DOCK10: variants seen among roughly 807,000 people sequenced by gnomAD.
The protein encoded by DOCK10 is dedicator of cytokinesis 10.
A neutral mutation model predicts 280.1 loss-of-function variants in DOCK10; 145 were observed. The observed-to-expected ratio is 0.52, with a 90% CI of 0.45 to 0.59. The LOEUF is 0.59. Ranked by LOEUF, DOCK10 falls within the 20% of genes least tolerant of loss-of-function variation. The pLI, the probability that DOCK10 is intolerant of heterozygous loss-of-function variation, is 0.00. For missense variants in DOCK10, 2,368 were observed against 2,651.7 expected, an observed-to-expected ratio of 0.89 and a Z score of 2.35; for synonymous variants, 915 against 942.2, an observed-to-expected ratio of 0.97 and a Z score of 0.53.
rs547142824 is a variant in DOCK10 at position 225,008,847 on chromosome 2, C to T, written c.123+33405G>A. Among the ~76,000 whole-genome samples, 7 of 152,222 alleles carry T rather than the reference C, an allele frequency of 4.6e-5. No individual in the cohort carries two copies. In the East Asian group the frequency reaches 7.7e-4, roughly 17 times the overall value. On this transcript the variant is annotated intron_variant, in intron 1 of 55. Transcript: ENST00000258390. ...TAATATCCCACAGGTTACTATGTGT[C>T]GACACAAAGATAGACTAGGATTGAC... is the stretch of plus-strand genomic sequence containing the variant.
At chr2:224,918,962 GTGTA>G (rs1371751866) in intron 2 of DOCK10, among the ~76,000 whole-genome samples, 1 of 148,880 alleles carries the variant, frequency 6.7e-6, no homozygotes, top group South Asian at 2.2e-4. Context: ...TGGTGTGTGT[GTGTA>G]TGTGTGGTGT....
At position 224,803,740 on chromosome 2, in the gene DOCK10, C is replaced by T. The variant is rs79050285; in HGVS notation, c.4268+372G>A. Among the ~76,000 whole-genome samples the T allele has an allele frequency of 2.8e-3, 424 of 152,218 alleles. 4 individuals carry two copies. The highest frequency in any genetic ancestry group is 4.8e-3 in the Non-Finnish European group (329 of 68,000). On this transcript the variant is annotated intron_variant, in intron 39 of 55. Coordinates refer to ENST00000258390, the MANE Select transcript of DOCK10 (RefSeq NM_014689.3). Reference sequence around the variant, plus strand: ...CCTAGGGAGACATGATTCCACATTTCCGTTTGTCACTGGAAGATTAGCTAG... The same window carrying T: ...CCTAGGGAGACATGATTCCACATTTTCGTTTGTCACTGGAAGATTAGCTAG...
At chr2:225,022,861 T>C (rs1299188842) in intron 1 of DOCK10, among the ~76,000 whole-genome samples, 1 of 152,244 alleles carries the variant, frequency 6.6e-6, no homozygotes. Context: ...TTTGTGTTTA[T>C]TGTTGTGAAT....
chr2:224,856,945 C>G lies in DOCK10; in HGVS notation c.1723G>C (p.Asp575His), dbSNP rs375756972. ...CTAAACAATGGTGAAAATCTTGAGT[C>G]TCTGTCCACATTTCCCTGGTTGTCC... ...FKDNQGNVDRDSRFSPLFRQE... is the reference protein window; with the variant it reads ...FKDNQGNVDRHSRFSPLFRQE... The change falls in exon 15 of 56, where the codon GAC becomes CAC. Residue 575 changes from aspartate (D) to histidine (H), a missense_variant. Asp to His is a moderately conservative substitution (Grantham distance 81). Around this residue, in one of 2 missense-constraint regions of DOCK10, gnomAD observed 1,209 missense variants for 1,250.9 expected, o/e 0.97. Coordinates refer to ENST00000258390, the MANE Select transcript of DOCK10 (RefSeq NM_014689.3). The G allele has an allele frequency of 4.3e-6, 7 of 1,612,072 alleles. No individual in the cohort carries two copies. The African/African-American group carries it at 9.3e-5, about 22-fold the overall frequency.
At chr2:224,830,476 T>G in intron 27 of DOCK10, 65 bp downstream of exon 27, 1 of 856,236 alleles carries the variant, frequency 1.2e-6, no homozygotes. Context: ...GACAGCATAA[T>G]CATTAGTGTA....
At chr2:224,830,919 C>CA (rs1695182427) in intron 26 of DOCK10, among the ~76,000 whole-genome samples, 4 of 93,786 alleles carry the variant, frequency 4.3e-5, no homozygotes, top group Admixed American at 8.9e-5. Flanking sequence ...ACTAAACAAA[C>CA]TTTTATTTAT....
chr2:224,956,639 A>G (rs1704058725), intron 1 of DOCK10, among the ~76,000 whole-genome samples: 1 of 144,542 alleles, frequency 6.9e-6, no homozygotes, highest in South Asian at 2.4e-4. Context: ...AAAAAAAAAA[A>G]AAAAAAAAAA....
At chr2:224,931,449 G>T in intron 2 of DOCK10, 100 bp downstream of exon 2, 2 of 1,324,366 alleles carry the variant, frequency 1.5e-6, no homozygotes, top group Non-Finnish European at 1.0e-6. Context: ...ATGTAGGGTG[G>T]CCACAGGGAG....
chr2:224,779,919 G>A (rs1177073509), intron 50 of DOCK10, among the ~76,000 whole-genome samples: 1 of 152,068 alleles, frequency 6.6e-6, no homozygotes, highest in East Asian at 1.9e-4. Flanking sequence ...TTCTAAAGGT[G>A]GGAAATGTGT....
At chr2:224,997,061 C>T (rs1355704624) in intron 1 of DOCK10, among the ~76,000 whole-genome samples, 5 of 152,214 alleles carry the variant, frequency 3.3e-5, no homozygotes, top group African/African-American at 9.7e-5. Flanking sequence ...GTTTGCCCTA[C>T]ATTTGGCATC....
chr2:224,827,316 G>A (rs1400513587), intron 27 of DOCK10, among the ~76,000 whole-genome samples: 2 of 151,818 alleles, frequency 1.3e-5, no homozygotes, highest in Middle Eastern at 3.2e-3. Context: ...TTTTCCCACT[G>A]TGATGATTAG....
chr2:224,814,493 C>T, intron 30 of DOCK10, 129 bp from the exon 31 acceptor site: 1 of 457,176 alleles, frequency 2.2e-6, no homozygotes, highest in East Asian at 3.6e-5. Context: ...TTCAGTATTG[C>T]CAGTTTTCAA....
At chr2:224,781,874 C>T (rs571972747) in intron 50 of DOCK10, among the ~76,000 whole-genome samples, 1 of 152,296 alleles carries the variant, frequency 6.6e-6, no homozygotes, top group Admixed American at 6.5e-5. Context: ...GCAGGTACTT[C>T]AGAATCTTGC....
At chr2:224,938,723 C>G (rs745759965) in intron 1 of DOCK10, among the ~76,000 whole-genome samples, 1 of 152,168 alleles carries the variant, frequency 6.6e-6, no homozygotes, top group Non-Finnish European at 1.5e-5. Context: ...CCAACTTCCA[C>G]GCCACTTGTG....
intron 1 of DOCK10, among the ~76,000 whole-genome samples, chr2:224,947,607 A>G (rs552350605): frequency 6.6e-6 from 1 of 152,354 alleles, no homozygotes; most frequent in Admixed American, 6.5e-5. Context: ...TGTATGTCAA[A>G]TAGTTACAAA....
chr2:225,019,445 CT>C (rs11399371), intron 1 of DOCK10, among the ~76,000 whole-genome samples: 136 of 139,680 alleles, frequency 9.7e-4, no homozygotes, highest in Admixed American at 1.9e-3. Flanking sequence ...GTGGTTTAAT[CT>C]TTTTTTTTTT....
At chr2:224,958,639 A>T (rs939658679) in intron 1 of DOCK10, among the ~76,000 whole-genome samples, 2 of 152,154 alleles carry the variant, frequency 1.3e-5, no homozygotes, top group African/African-American at 4.8e-5. Flanking sequence ...AATTCCAAGG[A>T]AGTTAAGAAA....
intron 3 of DOCK10, among the ~76,000 whole-genome samples, chr2:224,897,344 A>G (rs527290350): frequency 1.3e-4 from 20 of 152,358 alleles, no homozygotes; most frequent in Admixed American, 7.2e-4. Flanking sequence ...GTAATGTGTA[A>G]TAACCACATC....
At chr2:224,824,622 C>G (rs1374813776) in intron 27 of DOCK10, among the ~76,000 whole-genome samples, 1 of 151,684 alleles carries the variant, frequency 6.6e-6, no homozygotes, top group Non-Finnish European at 1.5e-5. Flanking sequence ...TTAGTAGTGA[C>G]AGGGTTTCGT....
Sources: gnomAD v4.1 joint callset for allele counts (sites outside exome capture counted in the v4.1 genomes callset) on GRCh38, gnomAD v4.1.1 for gene constraint, gnomAD v4.1.1 regional missense constraint, MANE v1.5 for transcripts, NCBI Gene and HGNC (gene_info 2026-07-23, HGNC 2026-07-21) for gene names.